The following ERC2 variants were observed in gnomAD, a reference collection of about 807,000 sequenced individuals.
ERC2 encodes ERC protein 2.
ERC2 carries 42 observed loss-of-function variants against 114.8 expected under a neutral mutation model. The observed-to-expected ratio is 0.37, with a 90% CI of 0.29 to 0.47. The LOEUF is 0.47. Ranked by LOEUF, ERC2 falls within the 20% of genes least tolerant of loss-of-function variation. ERC2 has a pLI of 0.99. For synonymous variants in ERC2, 454 were observed against 425.5 expected, an observed-to-expected ratio of 1.07 and a Z score of -0.82; for missense variants, 939 against 1,150.7, an observed-to-expected ratio of 0.82 and a Z score of 2.66.
At chr3:56,006,692 A>G (rs760785544) in intron 10 of ERC2, among the ~76,000 whole-genome samples, 5 of 152,096 alleles carry the variant, frequency 3.3e-5, no homozygotes, top group African/African-American at 7.2e-5. Flanking sequence ...ATCAAATATA[A>G]ATAGTCATTC....
At chr3:56,283,934 C>G (rs2150328189) in intron 3 of ERC2, among the ~76,000 whole-genome samples, 1 of 152,282 alleles carries the variant, frequency 6.6e-6, no homozygotes, top group East Asian at 1.9e-4. Flanking sequence ...GCCACTGGCC[C>G]CAGTGTGTGG....
chr3:56,439,188 T>C (rs2062171445), intron 1 of ERC2, among the ~76,000 whole-genome samples: 2 of 152,320 alleles, frequency 1.3e-5, no homozygotes, highest in South Asian at 4.1e-4. Flanking sequence ...ACTCCTGCTG[T>C]AATGCTAGCT....
chr3:56,177,497 AT>A (rs1386771782), intron 3 of ERC2, among the ~76,000 whole-genome samples: 1 of 152,156 alleles, frequency 6.6e-6, no homozygotes, highest in Non-Finnish European at 1.5e-5. Flanking sequence ...TGGTACTTAA[AT>A]TTTTCTGCGT....
At chr3:56,333,843 C>CAG (rs2057739376) in intron 2 of ERC2, among the ~76,000 whole-genome samples, 1 of 152,056 alleles carries the variant, frequency 6.6e-6, no homozygotes, top group East Asian at 1.9e-4. Flanking sequence ...CACAACAAAA[C>CAG]AGAAAATTCT....
intron 1 of ERC2, among the ~76,000 whole-genome samples, chr3:56,452,797 TAAC>T (rs1358661061): frequency 1.3e-5 from 2 of 152,198 alleles, no homozygotes; most frequent in Non-Finnish European, 1.5e-5. Context: ...GCCTCAAGTG[TAAC>T]AATGGCTACT....
Position 55,839,336 on chromosome 3 carries a change from A to T in ERC2, c.2564+49053T>A, listed in dbSNP as rs1021134228. ...GATCTGCACCACAAAAAAATGTTAA[A>T]GTCTTTAAGCACAAGGAATGTAATA... On this transcript the variant is annotated intron_variant, in intron 14 of 17. Coordinates refer to ENST00000288221, the MANE Select transcript of ERC2 (RefSeq NM_015576.3). 2.0e-5 allele frequency among the ~76,000 whole-genome samples: 3 copies of T among 151,992 alleles called. 1 individual carries two copies. Among genetic ancestry groups the T allele is most frequent in the Non-Finnish European group, 1.5e-5 (1 of 67,794 alleles).
intron 2 of ERC2, among the ~76,000 whole-genome samples, chr3:56,302,011 C>T (rs2055910123): frequency 6.6e-6 from 1 of 152,110 alleles, no homozygotes; most frequent in South Asian, 2.1e-4. Context: ...ACAATAGCAA[C>T]AAAAAACTAT....
chr3:55,913,513 G>A (rs1393359538), intron 13 of ERC2, among the ~76,000 whole-genome samples: 1 of 151,638 alleles, frequency 6.6e-6, no homozygotes, highest in African/African-American at 2.4e-5. Flanking sequence ...TCCAGAAACA[G>A]AGGTATATTT....
intron 2 of ERC2, among the ~76,000 whole-genome samples, chr3:56,357,586 G>A (rs1330653411): frequency 6.6e-6 from 1 of 151,920 alleles, no homozygotes; most frequent in Non-Finnish European, 1.5e-5. Flanking sequence ...GAAAGTTACA[G>A]GGTTGCTGCA....
intron 12 of ERC2, among the ~76,000 whole-genome samples, chr3:55,971,032 T>A (rs942878657): frequency 6.6e-6 from 1 of 152,196 alleles, no homozygotes; most frequent in African/African-American, 2.4e-5. Flanking sequence ...TGATACATAC[T>A]ATAACATGGA....
rs952212896 is a variant in ERC2, at chr3:55,584,876, T to C, written c.*40-73600A>G. On this transcript the variant is annotated intron_variant, in intron 17 of 17. Coordinates refer to ENST00000288221, the MANE Select transcript of ERC2 (RefSeq NM_015576.3). ...CCAAGAAGGAAGATATCCAAGCGCA[T>C]GGCTTGTCTCAAGCTAAGCAGAGGC... Among the ~76,000 whole-genome samples, 7 of 152,200 alleles carry C rather than the reference T, an allele frequency of 4.6e-5. No homozygotes were observed. The South Asian group carries it at 8.3e-4, about 18-fold the overall frequency.
intron 3 of ERC2, among the ~76,000 whole-genome samples, chr3:56,295,757 T>C (rs2150356534): frequency 6.6e-6 from 1 of 152,342 alleles, no homozygotes; most frequent in Middle Eastern, 3.4e-3. Flanking sequence ...AGCAATTGTT[T>C]ATAAACCAAC....
chr3:56,191,661 T>C (rs2047792715), intron 3 of ERC2, among the ~76,000 whole-genome samples: 2 of 152,072 alleles, frequency 1.3e-5, no homozygotes, highest in Admixed American at 6.5e-5. Context: ...AACCGTTTCC[T>C]AGAAAGATGT....
chr3:55,823,034 C>G (rs1342716659), intron 14 of ERC2, among the ~76,000 whole-genome samples: 2 of 152,172 alleles, frequency 1.3e-5, no homozygotes, highest in Non-Finnish European at 2.9e-5. Context: ...CTAATGAGGT[C>G]AGGAATTGTG....
chr3:55,598,825 C>G (rs1302164778), intron 17 of ERC2, among the ~76,000 whole-genome samples: 3 of 152,224 alleles, frequency 2.0e-5, no homozygotes, highest in African/African-American at 7.2e-5. Context: ...AACAAAGGGG[C>G]AGATTGTCTG....
At chr3:56,132,775 CAT>C (rs1215158441) in intron 6 of ERC2, among the ~76,000 whole-genome samples, 1 of 152,092 alleles carries the variant, frequency 6.6e-6, no homozygotes, top group Admixed American at 6.6e-5. Flanking sequence ...TTTGTTTTTA[CAT>C]AGTGTGCATG....
At position 56,421,285 on chromosome 3, in the gene ERC2, T is replaced by C. The variant is rs572335861; in HGVS notation, c.657+13066A>G. ...ACTAGAACTAAGGCAAGCTTCTAAC[T>C]ATGTGTTGCACAAGCATATTTCCCA... is the stretch of plus-strand genomic sequence containing the variant. On this transcript the variant is annotated intron_variant, in intron 2 of 17. Transcript: ENST00000288221. Among the ~76,000 whole-genome samples, 5 of 152,378 alleles carry C rather than the reference T, an allele frequency of 3.3e-5. No homozygotes were observed. The South Asian group carries it at 1.0e-3, about 32-fold the overall frequency.
At chr3:56,152,032 A>G (rs1366356776) in intron 4 of ERC2, among the ~76,000 whole-genome samples, 1 of 152,198 alleles carries the variant, frequency 6.6e-6, no homozygotes, top group Non-Finnish European at 1.5e-5. Flanking sequence ...TTTCACAAAT[A>G]AACAAGCTCT....
intron 3 of ERC2, among the ~76,000 whole-genome samples, chr3:56,174,378 A>G (rs1468709868): frequency 6.6e-6 from 1 of 152,212 alleles, no homozygotes; most frequent in Non-Finnish European, 1.5e-5. Flanking sequence ...TTTCTTAACT[A>G]TCAACAGTTT....
Sources: allele counts gnomAD v4.1 joint callset (sites outside exome capture counted in the v4.1 genomes callset), GRCh38; gene constraint gnomAD v4.1.1; transcripts MANE v1.5; gene names NCBI Gene and HGNC (gene_info 2026-07-23, HGNC 2026-07-21).